FAM185A: variants seen among roughly 807,000 people sequenced by gnomAD.
The protein encoded by FAM185A is protein FAM185A.
In FAM185A, 21 loss-of-function variants were observed where a neutral mutation model predicts 45.7. The observed-to-expected ratio is 0.46, with a 90% confidence interval of 0.33 to 0.66. The LOEUF is 0.66. FAM185A is among the 30% of genes least tolerant of loss of function. The pLI is 0.03. For missense variants in FAM185A, 305 were observed against 485.4 expected, an observed-to-expected ratio of 0.63 and a Z score of 3.49; for synonymous variants, 117 against 194.0, an observed-to-expected ratio of 0.60 and a Z score of 3.30.
At chr7:102,807,446 A>T (rs1797188152) in intron 7 of FAM185A, among the ~76,000 whole-genome samples, 1 of 152,142 alleles carries the variant, frequency 6.6e-6, no homozygotes, top group African/African-American at 2.4e-5. Flanking sequence ...CAGAATCTGA[A>T]ATGCTCCAAA....
chr7:102,822,766 T>C, the FAM185A span, among the ~76,000 whole-genome samples: 1 of 152,240 alleles, frequency 6.6e-6, no homozygotes, highest in East Asian at 1.9e-4. Flanking sequence ...CTGCCTCAAG[T>C]AGCACCAATA....
rs549150435 is a variant in FAM185A at position 102,797,424 on chromosome 7, C to T, written c.1066+9955C>T. Among the ~76,000 whole-genome samples, 10 of 152,026 alleles carry T rather than the reference C, an allele frequency of 6.6e-5. No individual in the cohort carries two copies. The South Asian group carries it at 8.3e-4, about 13-fold the overall frequency. On this transcript the variant is annotated intron_variant, in intron 7 of 7. Coordinates refer to ENST00000413034, the MANE Select transcript of FAM185A (RefSeq NM_001145268.2). ...TTGGGAGGCGGAGGTTGCAGTAAGCCGAGATCGCACCACTGCACTCCAGCC... is the reference window on the plus strand; with the variant it reads ...TTGGGAGGCGGAGGTTGCAGTAAGCTGAGATCGCACCACTGCACTCCAGCC...
At chr7:102,850,392 C>A in the FAM185A span, among the ~76,000 whole-genome samples, 1 of 152,086 alleles carries the variant, frequency 6.6e-6, no homozygotes, top group Non-Finnish European at 1.5e-5. Flanking sequence ...TATGTCATCA[C>A]CATGGTAGGT....
chr7:102,771,772 C>T (rs1242925095), intron 4 of FAM185A, among the ~76,000 whole-genome samples: 2 of 152,148 alleles, frequency 1.3e-5, no homozygotes, highest in Non-Finnish European at 2.9e-5. Context: ...AATCCTACTA[C>T]TTTTGGTGTT....
chr7:102,803,578 C>T (rs552750062), intron 7 of FAM185A, among the ~76,000 whole-genome samples: 1 of 152,200 alleles, frequency 6.6e-6, no homozygotes, highest in East Asian at 1.9e-4. Flanking sequence ...TAACATAATA[C>T]TGAATGGGGA....
intron 5 of FAM185A, among the ~76,000 whole-genome samples, chr7:102,773,595 AC>A (rs1456057232): frequency 6.6e-6 from 1 of 152,058 alleles, no homozygotes; most frequent in Non-Finnish European, 1.5e-5. Flanking sequence ...TGCTGAGTTG[AC>A]TAGGTAGGTT....
At chr7:102,762,576 C>T (rs1287902121) in intron 4 of FAM185A, among the ~76,000 whole-genome samples, 1 of 152,172 alleles carries the variant, frequency 6.6e-6, no homozygotes, top group Non-Finnish European at 1.5e-5. Flanking sequence ...TCTGGCAAAA[C>T]TCTCAGATTT....
rs184276659 is a variant in FAM185A at position 102,794,127 on chromosome 7, A to C, written c.1066+6658A>C. ...CCTGGCCAGATTTGGCCTGTGAGCT[A>C]TAGTTTGCTGATCCCTAGACTAGAG... On this transcript the variant is annotated intron_variant, in intron 7 of 7. Coordinates refer to ENST00000413034, the MANE Select transcript of FAM185A (RefSeq NM_001145268.2). Among the ~76,000 whole-genome samples, 4 of 151,954 alleles carry C rather than the reference A, an allele frequency of 2.6e-5. No individual in the cohort carries two copies. In the East Asian group the frequency reaches 5.8e-4, roughly 22 times the overall value.
chr7:102,830,453 G>A, the FAM185A span, among the ~76,000 whole-genome samples: 1 of 152,186 alleles, frequency 6.6e-6, no homozygotes, highest in African/African-American at 2.4e-5. Context: ...GAGTCAGTTG[G>A]TCAGCGCTTC....
At chr7:102,788,229 A>G (rs1207499786) in intron 7 of FAM185A, among the ~76,000 whole-genome samples, 1 of 152,076 alleles carries the variant, frequency 6.6e-6, no homozygotes, top group East Asian at 1.9e-4. Context: ...TCAGCCTCCC[A>G]AAGTGCTGGG....
At chr7:102,750,344 T>G (rs1258475996) in intron 1 of FAM185A, among the ~76,000 whole-genome samples, 3 of 152,114 alleles carry the variant, frequency 2.0e-5, no homozygotes, top group Non-Finnish European at 4.4e-5. Context: ...TGGAAGATAT[T>G]GATGATGATG....
At chr7:102,812,126 CAAGGCTT>C (rs1797468513), downstream of FAM185A, among the ~76,000 whole-genome samples, 1 of 152,184 alleles carries the variant, frequency 6.6e-6, no homozygotes, top group Non-Finnish European at 1.5e-5. Flanking sequence ...ATATTGCTGA[CAAGGCTT>C]GTTTGCGGCA....
At chr7:102,776,708 A>G (rs1463475478) in intron 5 of FAM185A, among the ~76,000 whole-genome samples, 6 of 151,258 alleles carry the variant, frequency 4.0e-5, no homozygotes, top group South Asian at 2.1e-4. Context: ...TCTCTAAAAA[A>G]AAAAAAAAAA....
At chr7:102,817,044 T>C in the FAM185A span, among the ~76,000 whole-genome samples, 2 of 152,232 alleles carry the variant, frequency 1.3e-5, no homozygotes, top group African/African-American at 4.8e-5. Context: ...GACTTTGCTA[T>C]TGTGAATGAT....
At chr7:102,818,153 C>T in the FAM185A span, among the ~76,000 whole-genome samples, 1 of 152,210 alleles carries the variant, frequency 6.6e-6, no homozygotes, top group Non-Finnish European at 1.5e-5. Context: ...CCAAGGACTG[C>T]TCATAATCCA....
chr7:102,776,701 C>T (rs1228088655), intron 5 of FAM185A, among the ~76,000 whole-genome samples: 1 of 92,792 alleles, frequency 1.1e-5, no homozygotes, highest in Non-Finnish European at 2.1e-5. Context: ...GACCCTGTCT[C>T]TAAAAAAAAA....
chr7:102,750,476 C>A (rs772651286), intron 1 of FAM185A, among the ~76,000 whole-genome samples: 1 of 152,190 alleles, frequency 6.6e-6, no homozygotes, highest in Non-Finnish European at 1.5e-5. Context: ...CAGTTTGTTA[C>A]CTGCCTCAGC....
chr7:102,800,664 C>T (rs1796735023), intron 7 of FAM185A, among the ~76,000 whole-genome samples: 1 of 152,114 alleles, frequency 6.6e-6, no homozygotes, highest in African/African-American at 2.4e-5. Context: ...AAGACAAGGT[C>T]TTTGAATTAA....
chr7:102,817,180 TA>T, the FAM185A span, among the ~76,000 whole-genome samples: 1 of 152,222 alleles, frequency 6.6e-6, no homozygotes, highest in Admixed American at 6.5e-5. Flanking sequence ...GAGAAGTTTT[TA>T]TACTGCTTTC....
Sources: allele counts gnomAD v4.1 joint callset (sites outside exome capture counted in the v4.1 genomes callset), GRCh38; gene constraint gnomAD v4.1.1; transcripts MANE v1.5; gene names NCBI Gene and HGNC (gene_info 2026-07-23, HGNC 2026-07-21).